Variants in TGFBR3 observed in about 807,000 individuals in gnomAD.
TGFBR3 encodes transforming growth factor beta receptor 3, also known as transforming growth factor beta receptor type 3.
In TGFBR3, 46 loss-of-function variants were observed where a neutral mutation model predicts 87.9. The ratio of observed to expected loss-of-function variants is 0.52; its 90% CI spans 0.41 to 0.67. The LOEUF is 0.67. TGFBR3 is among the 30% of genes least tolerant of loss of function. TGFBR3 has a pLI of 0.00. For missense variants in TGFBR3, 866 were observed against 1,041.9 expected (o/e 0.83, Z 2.32); for synonymous variants, 381 against 391.6 (o/e 0.97, Z 0.32).
intron 2 of TGFBR3, among the ~76,000 whole-genome samples, chr1:91,832,932 C>A (rs911001681): frequency 6.6e-6 from 1 of 150,836 alleles, no homozygotes; most frequent in Non-Finnish European, 1.5e-5. Flanking sequence ...CACTTGAACC[C>A]GGGAGGTGGA....
At chr1:91,691,634 A>G (rs1671268895) in intron 16 of TGFBR3, among the ~76,000 whole-genome samples, 1 of 152,268 alleles carries the variant, frequency 6.6e-6, no homozygotes, top group African/African-American at 2.4e-5. Context: ...GGCAGGAGAT[A>G]CATGACACAG....
intron 3 of TGFBR3, among the ~76,000 whole-genome samples, chr1:91,794,701 G>C (rs1449011667): frequency 6.6e-6 from 1 of 152,120 alleles, no homozygotes; most frequent in Admixed American, 6.5e-5. Context: ...GTTCATCCAT[G>C]CTGTAGCACC....
intron 10 of TGFBR3, among the ~76,000 whole-genome samples, chr1:91,716,994 G>T (rs1672198771): frequency 6.6e-6 from 1 of 152,192 alleles, no homozygotes; most frequent in African/African-American, 2.4e-5. Flanking sequence ...AATTACAAAT[G>T]ATTTCAAATG....
intron 3 of TGFBR3, among the ~76,000 whole-genome samples, chr1:91,771,126 T>C (rs1042028363): frequency 5.3e-5 from 8 of 152,166 alleles, no homozygotes; most frequent in Non-Finnish European, 1.2e-4. Context: ...AGCTGCACCC[T>C]CCTCCTTTTA....
intron 2 of TGFBR3, among the ~76,000 whole-genome samples, chr1:91,898,046 A>T (rs1420041965): frequency 9.8e-4 from 3 of 3,068 alleles, no homozygotes; most frequent in East Asian, 1.2e-3. Context: ...TTTCAATTTA[A>T]AAAAAAAAAA....
chr1:91,698,345 C>T (rs1671501902), intron 14 of TGFBR3, among the ~76,000 whole-genome samples: 1 of 152,076 alleles, frequency 6.6e-6, no homozygotes, highest in African/African-American at 2.4e-5. Context: ...CATAGGCTCT[C>T]CAATTTGAAG....
chr1:91,866,452 TACTGCTATATGCCAGGC>T (rs1353907850), intron 1 of TGFBR3, among the ~76,000 whole-genome samples: 1 of 152,212 alleles, frequency 6.6e-6, no homozygotes, highest in African/African-American at 2.4e-5. Context: ...CAATAAATAT[TACTGCTATATGCCAGGC>T]ACTGTTCAAG....
chr1:91,784,984 C>A (rs983319342), intron 3 of TGFBR3, among the ~76,000 whole-genome samples: 2 of 152,214 alleles, frequency 1.3e-5, no homozygotes, highest in African/African-American at 2.4e-5. Flanking sequence ...AGGTCTCTGA[C>A]ACAATACTCA....
At chr1:91,820,557 G>A (rs1047253258) in intron 2 of TGFBR3, among the ~76,000 whole-genome samples, 15 of 152,080 alleles carry the variant, frequency 9.9e-5, no homozygotes, top group Non-Finnish European at 1.9e-4. Flanking sequence ...GGGGTGGCGG[G>A]CACCTGTAGT....
chr1:91,880,029 G>T (rs1300932672), intron 1 of TGFBR3, among the ~76,000 whole-genome samples: 3 of 152,164 alleles, frequency 2.0e-5, no homozygotes, highest in African/African-American at 7.2e-5. Flanking sequence ...TTACTCTGAA[G>T]ATGCAGAACC....
At chr1:91,804,066 C>G (rs1675744761) in intron 2 of TGFBR3, among the ~76,000 whole-genome samples, 3 of 152,102 alleles carry the variant, frequency 2.0e-5, no homozygotes, top group African/African-American at 7.2e-5. Flanking sequence ...GGGGAAGAAC[C>G]ATGGGGTGAT....
chr1:91,687,965 C>T (rs1218486586), intron 16 of TGFBR3, among the ~76,000 whole-genome samples: 1 of 152,126 alleles, frequency 6.6e-6, no homozygotes, highest in Non-Finnish European at 1.5e-5. Flanking sequence ...TCTTGATCTC[C>T]TAACTGTAAT....
chr1:91,892,838 C>T (rs1679478047), intron 2 of TGFBR3, among the ~76,000 whole-genome samples: 2 of 152,146 alleles, frequency 1.3e-5, no homozygotes, highest in African/African-American at 2.4e-5. Context: ...TATTACTATT[C>T]GTTTTGAGTT....
At chr1:91,807,794 T>C (rs1206292737) in intron 2 of TGFBR3, among the ~76,000 whole-genome samples, 1 of 152,206 alleles carries the variant, frequency 6.6e-6, no homozygotes, top group Non-Finnish European at 1.5e-5. Flanking sequence ...AGAGGTGTCC[T>C]TGTATTACAG....
intron 14 of TGFBR3, among the ~76,000 whole-genome samples, chr1:91,703,250 T>G (rs1250319040): frequency 6.6e-6 from 1 of 152,060 alleles, no homozygotes; most frequent in Non-Finnish European, 1.5e-5. Flanking sequence ...TCTGGAAAGA[T>G]CAAATGTGTT....
chr1:91,889,234 C>CT (rs1226359336), upstream of TGFBR3, among the ~76,000 whole-genome samples: 1 of 152,138 alleles, frequency 6.6e-6, no homozygotes, highest in East Asian at 1.9e-4. Context: ...TCACAGCCCT[C>CT]TAAGAATATG....
At chr1:91,730,497 C>A (rs907614294) in intron 5 of TGFBR3, among the ~76,000 whole-genome samples, 1 of 152,130 alleles carries the variant, frequency 6.6e-6, no homozygotes, top group Non-Finnish European at 1.5e-5. Context: ...CAACCTGTAC[C>A]TAGATCATGA....
intron 3 of TGFBR3, among the ~76,000 whole-genome samples, chr1:91,787,636 A>G (rs1170581233): frequency 6.6e-6 from 1 of 152,168 alleles, no homozygotes; most frequent in Non-Finnish European, 1.5e-5. Context: ...CACCTCAGGG[A>G]GAGGAGACAG....
chr1:91,828,579 C>T (rs1259592915), intron 2 of TGFBR3, among the ~76,000 whole-genome samples: 1 of 152,178 alleles, frequency 6.6e-6, no homozygotes, highest in Non-Finnish European at 1.5e-5. Flanking sequence ...GGGGCAGCCA[C>T]CCCCGAAACT....
Sources: allele counts gnomAD v4.1 joint callset (sites outside exome capture counted in the v4.1 genomes callset), GRCh38; gene constraint gnomAD v4.1.1; transcripts MANE v1.5; gene names NCBI Gene and HGNC (gene_info 2026-07-23, HGNC 2026-07-21).